LPXN: variants seen among roughly 807,000 people sequenced by gnomAD.
The protein encoded by LPXN is leupaxin.
LPXN carries 28 observed loss-of-function variants against 45.6 expected under a neutral mutation model. That is an observed-to-expected ratio of 0.61 (90% CI 0.45 to 0.84). LPXN has a LOEUF of 0.84. LPXN is among the 40% of genes least tolerant of loss of function. The pLI is 0.00. For synonymous variants in LPXN, 166 were observed against 169.9 expected (o/e 0.98, Z 0.18); for missense variants, 459 against 475.0 (o/e 0.97, Z 0.31).
intron 3 of LPXN, among the ~76,000 whole-genome samples, chr11:58,562,514 G>A (rs1255621865): frequency 6.6e-6 from 1 of 152,122 alleles, no homozygotes; most frequent in Non-Finnish European, 1.5e-5. Flanking sequence ...TCAGTAATAG[G>A]AAGTACATCA....
At chr11:58,529,906 T>C (rs998974286) in intron 7 of LPXN, among the ~76,000 whole-genome samples, 6 of 151,680 alleles carry the variant, frequency 4.0e-5, no homozygotes, top group Non-Finnish European at 8.8e-5. Context: ...AAGGGTGGGG[T>C]GTTGCCTCAC....
intron 2 of LPXN, among the ~76,000 whole-genome samples, chr11:58,565,906 G>A (rs1251273873): frequency 1.3e-5 from 2 of 152,178 alleles, no homozygotes; most frequent in African/African-American, 2.4e-5. Flanking sequence ...GCTGAGACAG[G>A]AGAATTGCTT....
chr11:58,574,758 T>C (rs1462549206), intron 1 of LPXN, among the ~76,000 whole-genome samples: 3 of 152,184 alleles, frequency 2.0e-5, no homozygotes, highest in Non-Finnish European at 4.4e-5. Context: ...AAACACTACC[T>C]TTTTCTCTTC....
chr11:58,550,033 G>C lies in LPXN; in HGVS notation c.600C>G (p.Pro200=). ...GAGAAAAAAGTTGGTGGTAGTCGTT[G>C]GGGCAGTAGGCCAAGCCACTCCGCT... The part of the protein sequence containing the change: ...FFERSGLAYC[P]NDYHQLFSPR... Residue 200 remains proline (P), a synonymous_variant, in exon 6 of 9, where the codon CCC becomes CCG. Transcript: ENST00000395074. 6.2e-7 allele frequency: 1 copy of C among 1,614,224 alleles called. No individual in the cohort carries two copies. The highest frequency in any genetic ancestry group is 8.5e-7 in the Non-Finnish European group (1 of 1,180,040).
At chr11:58,564,522 T>C (rs1422546736) in intron 2 of LPXN, among the ~76,000 whole-genome samples, 1 of 152,144 alleles carries the variant, frequency 6.6e-6, no homozygotes, top group Non-Finnish European at 1.5e-5. Context: ...TAAGCCCCTT[T>C]AACTAAACAG....
intron 3 of LPXN, among the ~76,000 whole-genome samples, chr11:58,562,250 T>C (rs981202889): frequency 1.3e-5 from 2 of 152,234 alleles, no homozygotes; most frequent in Non-Finnish European, 2.9e-5. Flanking sequence ...ATTGTTATAT[T>C]CAGAGCTAGT....
chr11:58,553,623 G>A (rs1854116994), intron 4 of LPXN, among the ~76,000 whole-genome samples: 1 of 152,144 alleles, frequency 6.6e-6, no homozygotes, highest in African/African-American at 2.4e-5. Flanking sequence ...AGCATTGGGA[G>A]TCCCAAGGTG....
chr11:58,550,923 G>A (rs1854028984), intron 5 of LPXN, 142 bp downstream of exon 5: 1 of 663,308 alleles, frequency 1.5e-6, no homozygotes. Flanking sequence ...AAAGCACTTA[G>A]CTCAGTGGCC....
intron 2 of LPXN, among the ~76,000 whole-genome samples, chr11:58,568,842 G>C (rs1854597149): frequency 6.6e-6 from 1 of 152,178 alleles, no homozygotes. Context: ...GGTCACCCCA[G>C]AAAGATCAAC....
chr11:58,575,746 G>A lies in LPXN; in HGVS notation c.13+14C>T, dbSNP rs200774875. On this transcript the variant is annotated intron_variant, in intron 1 of 8. Coordinates refer to ENST00000395074, the MANE Select transcript of LPXN (RefSeq NM_004811.3). ...TTCACTCCCTCAGAGTTTCTCCTCA[G>A]GCTCCTCACTCACCTAACTCTTCCA... 6 of 1,614,114 alleles carry A rather than the reference G, an allele frequency of 3.7e-6. No individual in the cohort carries two copies. The East Asian group carries it at 1.3e-4, about 36-fold the overall frequency.
At chr11:58,577,964 G>A, upstream of LPXN, 1 of 1,545,566 alleles carries the variant, frequency 6.5e-7, no homozygotes, top group Non-Finnish European at 8.7e-7. Context: ...AGGACCCCAT[G>A]GAACCAGATT....
In LPXN at chr11:58,550,053, T is replaced by G. The variant is rs1565193844; in HGVS notation, c.580A>C (p.Ser194Arg). The G allele has an allele frequency of 6.2e-7, 1 of 1,614,146 alleles. No homozygotes were observed. Among genetic ancestry groups the G allele is most frequent in the East Asian group, 2.2e-5 (1 of 44,884 alleles). ...TCGTTGGGGCAGTAGGCCAAGCCACTCCGCTCAAAGAAGGGACTGGAGCCA... is the reference window on the plus strand; with the variant it reads ...TCGTTGGGGCAGTAGGCCAAGCCACGCCGCTCAAAGAAGGGACTGGAGCCA... ...EIGSSPFFER[S>R]GLAYCPNDYH... The change falls in exon 6 of 9, where the codon AGT (serine) becomes CGT (arginine). Residue 194 changes from serine to arginine, a missense_variant. Ser to Arg is a moderately radical substitution (Grantham distance 110). Coordinates refer to ENST00000395074, the MANE Select transcript of LPXN (RefSeq NM_004811.3).
intron 7 of LPXN, among the ~76,000 whole-genome samples, chr11:58,534,152 C>G (rs1206417482): frequency 6.6e-6 from 1 of 152,132 alleles, no homozygotes; most frequent in Non-Finnish European, 1.5e-5. Flanking sequence ...AGGACTTGAA[C>G]TCAGCTCTTG....
chr11:58,538,469 C>T (rs1853621138), intron 7 of LPXN, among the ~76,000 whole-genome samples: 2 of 152,050 alleles, frequency 1.3e-5, no homozygotes, highest in Admixed American at 6.6e-5. Context: ...GCCATTCTAA[C>T]TGGTGTGAGA....
upstream of LPXN, among the ~76,000 whole-genome samples, chr11:58,578,492 T>C (rs1387026424): frequency 2.0e-5 from 3 of 152,168 alleles, no homozygotes; most frequent in Non-Finnish European, 4.4e-5. Context: ...CCGCCGCCAT[T>C]TTTTCAGAGA....
At chr11:58,527,751 G>T (rs1055001464) in intron 8 of LPXN, 28 bp from the exon 9 acceptor site, 1 of 1,598,654 alleles carries the variant, frequency 6.3e-7, no homozygotes, top group East Asian at 2.2e-5. Context: ...GAGAGAAAAA[G>T]AATGCAAATG....
Position 58,570,561 on chromosome 11 carries a change from A to T in LPXN, c.166T>A (p.Leu56Met). 1.2e-6 allele frequency: 2 copies of T among 1,606,472 alleles called. No individual in the cohort carries two copies. Among genetic ancestry groups the T allele is most frequent in the Middle Eastern group, 1.9e-4 (1 of 5,138 alleles). The change falls in exon 2 of 9, where the codon TTG (leucine) becomes ATG (methionine). Residue 56 changes from leucine to methionine, a missense_variant. By Grantham distance (15) the Leu-to-Met change is conservative. Transcript: ENST00000395074. ...TATAATAAATGAAAATTTACCGGCAAGGGACTTGTGTTATCCTGAATAGAA... is the reference window on the plus strand; with the variant it reads ...TATAATAAATGAAAATTTACCGGCATGGGACTTGTGTTATCCTGAATAGAA... ...ILSIQDNTSP[L>M]PAQLVYTTNI...
chr11:58,574,772 A>G (rs1400677185), intron 1 of LPXN, among the ~76,000 whole-genome samples: 2 of 152,230 alleles, frequency 1.3e-5, no homozygotes, highest in African/African-American at 4.8e-5. Context: ...TCTCTTCATT[A>G]ACATCTCTTG....
At position 58,527,396 on chromosome 11, in the gene LPXN, TC is replaced by T. The variant is rs1296261819; in HGVS notation, c.*57del. The T allele has an allele frequency of 7.6e-6, 12 of 1,575,214 alleles. No individual in the cohort carries two copies. Among genetic ancestry groups the T allele is most frequent in the Non-Finnish European group, 1.0e-5 (12 of 1,150,124 alleles). On this transcript the variant is annotated 3_prime_UTR_variant, in exon 9 of 9. Coordinates refer to ENST00000395074, the MANE Select transcript of LPXN (RefSeq NM_004811.3). ...CAGTAACAGAAAATTTACCCTTTCC[TC>T]TCCTCTCTTGGTTTAAATTTTATAA...
Sources: gnomAD v4.1 joint callset for allele counts (sites outside exome capture counted in the v4.1 genomes callset) on GRCh38, gnomAD v4.1.1 for gene constraint, MANE v1.5 for transcripts, NCBI Gene and HGNC (gene_info 2026-07-23, HGNC 2026-07-21) for gene names.